The following PEBP4 variants were observed in gnomAD, a reference collection of about 807,000 sequenced individuals.
PEBP4 encodes phosphatidylethanolamine binding protein 4.
A neutral mutation model predicts 23.9 loss-of-function variants in PEBP4; 22 were observed. The observed-to-expected ratio is 0.92, with a 90% CI of 0.66 to 1.31. PEBP4 has a LOEUF of 1.31. Among genes scored for constraint, PEBP4 ranks in the 40% most tolerant of loss-of-function variants. The pLI is 0.00. For synonymous variants in PEBP4, 112 were observed against 99.3 expected (o/e 1.13, Z -0.76); for missense variants, 324 against 281.7 (o/e 1.15, Z -1.07).
At chr8:22,802,239 C>T (rs577711257) in intron 4 of PEBP4, among the ~76,000 whole-genome samples, 272 of 152,342 alleles carry the variant, frequency 1.8e-3, no homozygotes, top group Non-Finnish European at 3.0e-3. Context: ...GATCTCTCCA[C>T]ACCAGCTCCA....
intron 4 of PEBP4, among the ~76,000 whole-genome samples, chr8:22,807,682 T>C (rs957744237): frequency 9.2e-5 from 14 of 152,306 alleles, no homozygotes; most frequent in African/African-American, 3.1e-4. Flanking sequence ...CAATTGCTTG[T>C]ATCCTCTGAC....
At chr8:22,806,720 A>AC (rs1806502134) in intron 4 of PEBP4, among the ~76,000 whole-genome samples, 1 of 152,070 alleles carries the variant, frequency 6.6e-6, no homozygotes, top group African/African-American at 2.4e-5. Context: ...TTCATTTGTC[A>AC]CCTCTTCAGG....
At chr8:22,807,407 G>A (rs1806520396) in intron 4 of PEBP4, among the ~76,000 whole-genome samples, 1 of 152,290 alleles carries the variant, frequency 6.6e-6, no homozygotes, top group African/African-American at 2.4e-5. Context: ...AATCACTGCA[G>A]TTCTTCAAGT....
chr8:22,739,149 G>A (rs1442578265), intron 4 of PEBP4, among the ~76,000 whole-genome samples: 2 of 152,128 alleles, frequency 1.3e-5, no homozygotes, highest in Non-Finnish European at 2.9e-5. Context: ...AATGGGGCTG[G>A]GCTGTATCCG....
chr8:22,802,064 T>G (rs1806394009), intron 4 of PEBP4, among the ~76,000 whole-genome samples: 1 of 152,098 alleles, frequency 6.6e-6, no homozygotes, highest in Admixed American at 6.5e-5. Flanking sequence ...AGTCCCTTCC[T>G]GCTGCCCCTC....
Position 22,727,210 on chromosome 8 carries a change from A to T in PEBP4, c.368T>A (p.Leu123Gln). 1.2e-6 allele frequency: 2 copies of T among 1,613,860 alleles called. No individual in the cohort carries two copies. Among genetic ancestry groups the T allele is most frequent in the Non-Finnish European group, 1.7e-6 (2 of 1,179,956 alleles). The change falls in exon 5 of 7, where the codon CTG (leucine) becomes CAG (glutamine). Residue 123 changes from leucine (L) to glutamine (Q), a missense_variant. Transcript: ENST00000256404. Reference sequence around the variant, plus strand: ...CTGGCCCTGAATCTTCCCTTTCTTCAGGTCGGCGCCCTGAAAGAAGAGACA... The same window carrying T: ...CTGGCCCTGAATCTTCCCTTTCTTCTGGTCGGCGCCCTGAAAGAAGAGACA... ...WLVTDIKGAD[L>Q]KKGKIQGQEL...
intron 4 of PEBP4, among the ~76,000 whole-genome samples, chr8:22,728,580 CT>C (rs1346400260): frequency 1.2e-4 from 16 of 134,034 alleles, no homozygotes; most frequent in African/African-American, 3.9e-4. Context: ...TCCTTCCTTC[CT>C]TCCTTCCTTC....
At chr8:22,740,479 T>C (rs1196053277) in intron 4 of PEBP4, among the ~76,000 whole-genome samples, 1 of 152,186 alleles carries the variant, frequency 6.6e-6, no homozygotes, top group Non-Finnish European at 1.5e-5. Flanking sequence ...AACAAGAACC[T>C]GAGGCGACTT....
chr8:22,719,941 A>C (rs1049532572), intron 6 of PEBP4, among the ~76,000 whole-genome samples: 4 of 152,204 alleles, frequency 2.6e-5, no homozygotes, highest in Non-Finnish European at 5.9e-5. Flanking sequence ...GTGCTGAGGC[A>C]AGCTGACGTG....
chr8:22,849,112 A>G (rs1195323960), intron 3 of PEBP4, among the ~76,000 whole-genome samples: 5 of 152,244 alleles, frequency 3.3e-5, no homozygotes, highest in African/African-American at 1.2e-4. Flanking sequence ...GACTTCAGCA[A>G]GAATGGCTGG....
intron 4 of PEBP4, among the ~76,000 whole-genome samples, chr8:22,743,275 C>CCAGAAGCAGAAG (rs59383147): frequency 4.6e-5 from 7 of 152,224 alleles, no homozygotes; most frequent in African/African-American, 1.7e-4. Flanking sequence ...GACCTCCTTC[C>CCAGAAGCAGAAG]CAGAAGCAGA....
At chr8:22,917,870 G>A (rs1809110556) in intron 3 of PEBP4, among the ~76,000 whole-genome samples, 1 of 152,088 alleles carries the variant, frequency 6.6e-6, no homozygotes, top group African/African-American at 2.4e-5. Context: ...CAAACCTAAG[G>A]CTGTTGGGGC....
At chr8:22,743,694 C>T (rs1021019771) in intron 4 of PEBP4, among the ~76,000 whole-genome samples, 2 of 152,202 alleles carry the variant, frequency 1.3e-5, no homozygotes, top group East Asian at 1.9e-4. Context: ...GGAGGAAGTG[C>T]ATCCACCCTG....
intron 4 of PEBP4, among the ~76,000 whole-genome samples, chr8:22,800,822 A>G (rs904560912): frequency 5.9e-5 from 9 of 152,180 alleles, no homozygotes; most frequent in African/African-American, 1.9e-4. Context: ...ACTCCCAGAT[A>G]CTGTGGGAGA....
intron 3 of PEBP4, among the ~76,000 whole-genome samples, chr8:22,846,576 G>A (rs909404065): frequency 6.6e-6 from 1 of 152,152 alleles, no homozygotes; most frequent in Non-Finnish European, 1.5e-5. Flanking sequence ...TTCTCTTGGA[G>A]AGGAGAAGGC....
At chr8:22,924,665 G>C (rs1563263556) in intron 2 of PEBP4, 1 of 985,408 alleles carries the variant, frequency 1.0e-6, no homozygotes, top group Non-Finnish European at 1.2e-6. Flanking sequence ...TTGAGCAGCA[G>C]CTCCCATCCC....
chr8:22,805,628 G>T (rs911927455), intron 4 of PEBP4, among the ~76,000 whole-genome samples: 114 of 152,244 alleles, frequency 7.5e-4, no homozygotes, highest in African/African-American at 2.6e-3. Context: ...GCCCGGCCAT[G>T]ATTGCCAGCA....
chr8:22,814,261 C>T (rs1003778775), intron 4 of PEBP4, among the ~76,000 whole-genome samples: 12 of 152,204 alleles, frequency 7.9e-5, no homozygotes, highest in Non-Finnish European at 1.6e-4. Context: ...CCACAGCAGT[C>T]TGGCTCTGGA....
At position 22,860,064 on chromosome 8, in the gene PEBP4, C is replaced by T. The variant is rs1807733533; in HGVS notation, c.259-42329G>A. Among the ~76,000 whole-genome samples, 11 of 143,474 alleles carry T rather than the reference C, an allele frequency of 7.7e-5. No homozygotes were observed. The South Asian group carries it at 2.4e-3, about 31-fold the overall frequency. The allele number at this position is 143,474 out of a possible 152,430, so 94.1% of individuals were successfully genotyped here. A position where few individuals can be genotyped will look rare whatever the true frequency, so the allele number is the denominator to read the frequency against. ...CCCAGCAGTCAAGGCTGCAAATGAG[C>T]TATGATCATGTCACTGCACTCTAGC... On this transcript the variant is annotated intron_variant, in intron 3 of 6. Transcript: ENST00000256404.
Sources: gnomAD v4.1 joint callset for allele counts (sites outside exome capture counted in the v4.1 genomes callset) on GRCh38, gnomAD v4.1.1 for gene constraint, MANE v1.5 for transcripts, NCBI Gene and HGNC (gene_info 2026-07-23, HGNC 2026-07-21) for gene names.